UIMC1: variants seen among roughly 807,000 people sequenced by gnomAD.
UIMC1 encodes BRCA1-A complex subunit RAP80.
Under a neutral mutation model 84.9 loss-of-function variants are expected in UIMC1, and 42 were observed. The observed-to-expected ratio is 0.49, with a 90% CI of 0.39 to 0.64. UIMC1 has a LOEUF of 0.64. Ranked by LOEUF, UIMC1 falls within the 30% of genes least tolerant of loss-of-function variation. The probability of loss-of-function intolerance (pLI) is 0.00; values close to 1 mark genes in which losing one functional copy is unlikely to be tolerated. For missense variants in UIMC1, 825 were observed against 847.6 expected, an observed-to-expected ratio of 0.97 and a Z score of 0.33; for synonymous variants, 281 against 293.0, an observed-to-expected ratio of 0.96 and a Z score of 0.42.
At chr5:176,948,457 G>C (rs1035329647) in intron 9 of UIMC1, among the ~76,000 whole-genome samples, 2 of 152,140 alleles carry the variant, frequency 1.3e-5, no homozygotes, top group African/African-American at 4.8e-5. Context: ...GAGTAAAATA[G>C]GTATTTCTGC....
At chr5:176,992,322 A>G (rs1298683998) in intron 1 of UIMC1, among the ~76,000 whole-genome samples, 2 of 152,220 alleles carry the variant, frequency 1.3e-5, no homozygotes, top group South Asian at 2.1e-4. Flanking sequence ...GACCCAAAAG[A>G]GTGTAGAACT....
At chr5:176,916,503 T>C (rs1383099593) in intron 10 of UIMC1, among the ~76,000 whole-genome samples, 1 of 152,232 alleles carries the variant, frequency 6.6e-6, no homozygotes, top group Non-Finnish European at 1.5e-5. Context: ...GTTGGGCCTC[T>C]ACTAGCTGTG....
intron 1 of UIMC1, among the ~76,000 whole-genome samples, chr5:176,999,903 T>C (rs1163218655): frequency 6.6e-6 from 1 of 152,196 alleles, no homozygotes; most frequent in African/African-American, 2.4e-5. Context: ...TTCCTTTCTT[T>C]TGGATACATA....
intron 6 of UIMC1, among the ~76,000 whole-genome samples, chr5:176,965,906 C>T (rs1044657851): frequency 6.6e-6 from 1 of 152,196 alleles, no homozygotes; most frequent in Non-Finnish European, 1.5e-5. Context: ...CATTAAGTGT[C>T]ACTCTTTGGA....
intron 6 of UIMC1, among the ~76,000 whole-genome samples, chr5:176,966,695 C>T (rs1015623160): frequency 2.6e-5 from 4 of 151,950 alleles, no homozygotes; most frequent in Non-Finnish European, 5.9e-5. Flanking sequence ...ACTAAATGTA[C>T]CAAGATGAAG....
At chr5:176,958,019 C>G (rs1045036586) in intron 7 of UIMC1, 74 bp downstream of exon 7, 1 of 1,454,944 alleles carries the variant, frequency 6.9e-7, no homozygotes, top group Non-Finnish European at 9.5e-7. Flanking sequence ...CACGTACAGT[C>G]TCACTCATGT....
At chr5:176,982,709 A>G (rs1771236871) in intron 1 of UIMC1, 86 bp from the exon 2 acceptor site, 1 of 1,445,092 alleles carries the variant, frequency 6.9e-7, no homozygotes, top group Non-Finnish European at 9.3e-7. Context: ...TATTCAACTT[A>G]GTCTTTTTTT....
chr5:176,966,927 G>A (rs1307912393), intron 6 of UIMC1, among the ~76,000 whole-genome samples: 1 of 152,064 alleles, frequency 6.6e-6, no homozygotes, highest in Non-Finnish European at 1.5e-5. Flanking sequence ...TCTTAGACAT[G>A]TGAGAAAAAA....
chr5:177,011,928 G>A (rs1019698840), intron 1 of UIMC1, among the ~76,000 whole-genome samples: 3 of 151,954 alleles, frequency 2.0e-5, no homozygotes, highest in African/African-American at 7.3e-5. Context: ...AGCCTCCCGA[G>A]TAGCTAGGAT....
In UIMC1 at chr5:176,968,648, C is replaced by T. The variant is rs781386377; in HGVS notation, c.1107G>A (p.Trp369Ter). The change falls in exon 6 of 15, where the codon TGG (tryptophan) becomes TGA (stop). Residue 369 changes from tryptophan (W) to a stop codon, truncating the protein, a stop_gained. Coordinates refer to ENST00000511320, the MANE Select transcript of UIMC1 (RefSeq NM_001199298.2). LOFTEE classifies it high-confidence loss of function. ...CCTGGAAATCCTTGGTTTTTGAGTG[C>T]CAGTCAGATGCCCTAGACTCCTGCC... ...EERQESRASD[W>*]HSKTKDFQES... The T allele has an allele frequency of 6.2e-7, 1 of 1,614,028 alleles. No individual in the cohort carries two copies. The highest frequency in any genetic ancestry group is 8.5e-7 in the Non-Finnish European group (1 of 1,179,994).
At chr5:176,965,995 T>C (rs889764405) in intron 6 of UIMC1, among the ~76,000 whole-genome samples, 10 of 152,252 alleles carry the variant, frequency 6.6e-5, no homozygotes, top group African/African-American at 1.9e-4. Flanking sequence ...ATCATGTAAC[T>C]TTCCTTTGGA....
chr5:176,913,311 T>C (rs1656381249), intron 10 of UIMC1, among the ~76,000 whole-genome samples: 5 of 152,224 alleles, frequency 3.3e-5, no homozygotes, highest in Admixed American at 6.5e-5. Flanking sequence ...CCAGTTTTAA[T>C]GGTATGGAAA....
chr5:176,955,528 AGGCT>A (rs1223130709), intron 8 of UIMC1, among the ~76,000 whole-genome samples: 1 of 152,218 alleles, frequency 6.6e-6, no homozygotes, highest in Non-Finnish European at 1.5e-5. Context: ...CCGAAGTTCA[AGGCT>A]GCAGTGAGCT....
chr5:177,007,062 C>G (rs1238382446), upstream of UIMC1, among the ~76,000 whole-genome samples: 1 of 152,080 alleles, frequency 6.6e-6, no homozygotes, highest in East Asian at 1.9e-4. Context: ...ACGGAAATGC[C>G]GGGTGCGATG....
chr5:177,016,353 G>C (rs185382180), intron 1 of UIMC1, among the ~76,000 whole-genome samples: 56 of 151,568 alleles, frequency 3.7e-4, no homozygotes, highest in African/African-American at 1.3e-3. Context: ...GACAGAGCAA[G>C]ACTCCATCTC....
At chr5:176,906,185 A>G in intron 13 of UIMC1, 138 bp from the exon 14 acceptor site, 1 of 737,066 alleles carries the variant, frequency 1.4e-6, no homozygotes, top group Non-Finnish European at 2.3e-6. Context: ...CCAATCCCCT[A>G]AACCCACAGA....
intron 1 of UIMC1, among the ~76,000 whole-genome samples, chr5:176,990,664 G>T (rs1458733048): frequency 2.0e-5 from 3 of 152,200 alleles, no homozygotes; most frequent in Admixed American, 6.5e-5. Context: ...AATATAAATA[G>T]ATTTTATATT....
intron 10 of UIMC1, among the ~76,000 whole-genome samples, chr5:176,924,875 C>T (rs1338510141): frequency 6.6e-6 from 1 of 151,716 alleles, no homozygotes; most frequent in African/African-American, 2.4e-5. Context: ...CCTGACTCTA[C>T]TAAAAATACG....
intron 2 of UIMC1, among the ~76,000 whole-genome samples, chr5:176,977,615 CAG>C (rs1293258133): frequency 8.5e-6 from 1 of 117,044 alleles, no homozygotes; most frequent in Non-Finnish European, 1.8e-5. Context: ...AAAAAAAAAA[CAG>C]AAACAAAAAA....
Sources: allele counts gnomAD v4.1 joint callset (sites outside exome capture counted in the v4.1 genomes callset), GRCh38; gene constraint gnomAD v4.1.1; transcripts MANE v1.5; gene names NCBI Gene and HGNC (gene_info 2026-07-23, HGNC 2026-07-21).